Variants in COL23A1 observed in about 807,000 individuals in gnomAD.
The protein encoded by COL23A1 is collagen alpha-1(XXIII) chain.
Under a neutral mutation model 99.3 loss-of-function variants are expected in COL23A1, and 97 were observed. The observed-to-expected ratio is 0.98, with a 90% CI of 0.83 to 1.16. COL23A1 has a LOEUF of 1.16. Among genes scored for constraint, COL23A1 ranks in the 50% most tolerant of loss-of-function variants. The pLI is 0.00. For synonymous variants in COL23A1, 320 were observed against 308.2 expected (o/e 1.04, Z -0.40); for missense variants, 762 against 757.4 (o/e 1.01, Z -0.07).
intron 1 of COL23A1, among the ~76,000 whole-genome samples, chr5:178,569,980 T>C (rs1026787280): frequency 1.3e-5 from 2 of 152,180 alleles, no homozygotes; most frequent in Non-Finnish European, 2.9e-5. Context: ...CATAGGAAGA[T>C]AGCCCATCAT....
chr5:178,408,196 A>C (rs897619038), intron 2 of COL23A1, among the ~76,000 whole-genome samples: 2 of 152,256 alleles, frequency 1.3e-5, no homozygotes, highest in African/African-American at 4.8e-5. Flanking sequence ...GTGCTCAAAG[A>C]AAACACAAAA....
At chr5:178,316,967 G>T (rs1759015952) in intron 2 of COL23A1, among the ~76,000 whole-genome samples, 1 of 152,128 alleles carries the variant, frequency 6.6e-6, no homozygotes, top group African/African-American at 2.4e-5. Context: ...ATTCTATGGA[G>T]TGAGACTGAT....
intron 2 of COL23A1, among the ~76,000 whole-genome samples, chr5:178,446,119 T>G (rs1767148363): frequency 2.0e-5 from 3 of 152,048 alleles, no homozygotes; most frequent in Non-Finnish European, 4.4e-5. Context: ...AAACACATTA[T>G]AACACCCAGT....
rs1380794457 is a variant in COL23A1 at position 178,434,587 on chromosome 5, G to A, written c.361+126095C>T. On this transcript the variant is annotated intron_variant, in intron 2 of 28. Transcript: ENST00000390654. The surrounding 1 kb of genome is among the most constrained non-coding windows in gnomAD (Gnocchi z 4.3). Reference sequence around the variant, plus strand: ...GGGCCTTCCACTGGCGCTCTTCCTGGGACCCCAGCTGGGCGCCTGGCCTTG... The same window carrying A: ...GGGCCTTCCACTGGCGCTCTTCCTGAGACCCCAGCTGGGCGCCTGGCCTTG... 6.6e-6 allele frequency among the ~76,000 whole-genome samples: 1 copy of A among 152,240 alleles called. No individual in the cohort carries two copies. Among genetic ancestry groups the A allele is most frequent in the African/African-American group, 2.4e-5 (1 of 41,462 alleles).
intron 4 of COL23A1, 111 bp downstream of exon 4, chr5:178,290,251 G>A: frequency 6.6e-7 from 1 of 1,507,834 alleles, no homozygotes; most frequent in Admixed American, 1.7e-5. Context: ...TAGGACTGAT[G>A]TTTTCTGAGG....
chr5:178,429,237 G>C (rs1766121030), intron 2 of COL23A1, among the ~76,000 whole-genome samples: 1 of 152,068 alleles, frequency 6.6e-6, no homozygotes, highest in African/African-American at 2.4e-5. Flanking sequence ...TCACAGGGCA[G>C]AGCTGGGGCG....
chr5:178,274,531 C>T (rs1160191980), intron 5 of COL23A1, among the ~76,000 whole-genome samples: 1 of 151,728 alleles, frequency 6.6e-6, no homozygotes, highest in Non-Finnish European at 1.5e-5. Context: ...AAGGGCAGAG[C>T]CCCAGACTGG....
intron 2 of COL23A1, among the ~76,000 whole-genome samples, chr5:178,517,568 G>GTTTTTTTTTTTTTTTTT (rs70997606): frequency 1.8e-5 from 2 of 108,262 alleles, no homozygotes; most frequent in Admixed American, 1.1e-4. Flanking sequence ...TTTTTTTTTT[G>GTTTTTTTTTTTTTTTTT]TTTTTTTTTT....
At chr5:178,530,557 A>T (rs1423582900) in intron 2 of COL23A1, among the ~76,000 whole-genome samples, 1 of 152,202 alleles carries the variant, frequency 6.6e-6, no homozygotes, top group Non-Finnish European at 1.5e-5. Context: ...GTGATACTGC[A>T]TGGCTTCCCG....
intron 1 of COL23A1, among the ~76,000 whole-genome samples, chr5:178,567,860 G>A (rs1358828655): frequency 1.3e-5 from 2 of 152,194 alleles, no homozygotes; most frequent in Non-Finnish European, 2.9e-5. Context: ...GGAGAGAAGA[G>A]ATAAAACTTC....
chr5:178,560,440 G>C (rs946540786), intron 2 of COL23A1, among the ~76,000 whole-genome samples: 1 of 152,106 alleles, frequency 6.6e-6, no homozygotes, highest in Non-Finnish European at 1.5e-5. Flanking sequence ...AGGCAGCTAA[G>C]TCATCTCCGA....
chr5:178,244,278 C>T (rs894338788), intron 25 of COL23A1, among the ~76,000 whole-genome samples: 6 of 152,128 alleles, frequency 3.9e-5, no homozygotes, highest in African/African-American at 1.4e-4. Flanking sequence ...TGTGAGCCAC[C>T]GTGCCTGGCC....
chr5:178,388,852 A>G (rs1763807152), intron 2 of COL23A1, among the ~76,000 whole-genome samples: 3 of 152,352 alleles, frequency 2.0e-5, no homozygotes, highest in Middle Eastern at 3.4e-3. Flanking sequence ...AGTTTACTGC[A>G]GGACTTCTCA....
chr5:178,424,848 G>A (rs192448269), intron 2 of COL23A1, among the ~76,000 whole-genome samples: 72 of 152,288 alleles, frequency 4.7e-4, no homozygotes, highest in Admixed American at 1.9e-3. Context: ...GTGTTATCAT[G>A]GGTGTAAAAA....
intron 25 of COL23A1, among the ~76,000 whole-genome samples, chr5:178,245,615 C>T (rs1462073594): frequency 6.6e-6 from 1 of 152,014 alleles, no homozygotes; most frequent in Non-Finnish European, 1.5e-5. Context: ...TCCATCCACC[C>T]ATCCATCCAT....
At chr5:178,268,115 T>TTC (rs1329244625) in intron 7 of COL23A1, among the ~76,000 whole-genome samples, 1 of 152,186 alleles carries the variant, frequency 6.6e-6, no homozygotes, top group Non-Finnish European at 1.5e-5. Context: ...TCTGCAGATC[T>TTC]CACTTCCCAT....
At chr5:178,373,208 C>T (rs1217969623) in intron 2 of COL23A1, among the ~76,000 whole-genome samples, 2 of 152,122 alleles carry the variant, frequency 1.3e-5, no homozygotes, top group South Asian at 2.1e-4. Context: ...GCCCTTGGAC[C>T]CCCACTGGGT....
intron 2 of COL23A1, among the ~76,000 whole-genome samples, chr5:178,518,629 G>A (rs556805052): frequency 6.1e-4 from 86 of 141,876 alleles, no homozygotes; most frequent in East Asian, 2.6e-3. Flanking sequence ...ATGGGCGGCC[G>A]GGCAGAGACG....
intron 2 of COL23A1, among the ~76,000 whole-genome samples, chr5:178,558,617 G>A (rs1762400893): frequency 2.0e-5 from 3 of 152,102 alleles, no homozygotes; most frequent in Admixed American, 2.0e-4. Context: ...CGGATTTGGT[G>A]TCTCACAAAT....
Sources: allele counts gnomAD v4.1 joint callset (sites outside exome capture counted in the v4.1 genomes callset), GRCh38; gene constraint gnomAD v4.1.1; non-coding constraint Gnocchi (gnomAD v3.1); transcripts MANE v1.5; gene names NCBI Gene and HGNC (gene_info 2026-07-23, HGNC 2026-07-21).